SLC25A48: variants seen among roughly 807,000 people sequenced by gnomAD.
The protein encoded by SLC25A48 is solute carrier family 25 member 48, also known as CTC-321K16.1.
Under a neutral mutation model 32.2 loss-of-function variants are expected in SLC25A48, and 29 were observed. The observed-to-expected ratio is 0.90, with a 90% CI of 0.67 to 1.23. The LOEUF is 1.23. Ranked by LOEUF, SLC25A48 falls within the 50% of genes most tolerant of loss-of-function variation. The pLI is 0.00. For missense variants in SLC25A48, 399 were observed against 422.7 expected, an observed-to-expected ratio of 0.94 and a Z score of 0.49; for synonymous variants, 164 against 172.3, an observed-to-expected ratio of 0.95 and a Z score of 0.38.
At chr5:135,833,752 C>T (rs1236834360), upstream of SLC25A48, among the ~76,000 whole-genome samples, 1 of 152,208 alleles carries the variant, frequency 6.6e-6, no homozygotes, top group Non-Finnish European at 1.5e-5. Context: ...GTCCCTTCAC[C>T]TCCAAGTCCC....
At chr5:135,611,482 G>C in intron 1 of SLC25A48, among the ~76,000 whole-genome samples, 1 of 87,274 alleles carries the variant, frequency 1.1e-5, no homozygotes, top group Non-Finnish European at 2.1e-5. Flanking sequence ...CGGTGACAGA[G>C]CGAGACTCCA....
intron 3 of SLC25A48, among the ~76,000 whole-genome samples, chr5:135,737,137 A>C (rs1755383092): frequency 1.3e-5 from 2 of 152,224 alleles, no homozygotes. Context: ...TTGTGTGAGC[A>C]ACAAGGCTGT....
intron 3 of SLC25A48, among the ~76,000 whole-genome samples, chr5:135,733,415 G>A (rs1311635219): frequency 3.9e-5 from 6 of 152,294 alleles, no homozygotes; most frequent in South Asian, 2.1e-4. Context: ...ATTGAAGTCC[G>A]GGCCTGGAAC....
chr5:135,855,159 T>C (rs1277215479), intron 4 of SLC25A48, among the ~76,000 whole-genome samples: 9 of 152,138 alleles, frequency 5.9e-5, no homozygotes. Flanking sequence ...ATGACAAGGT[T>C]GAAAATATTG....
chr5:135,793,364 C>A (rs1426135882), intron 3 of SLC25A48, among the ~76,000 whole-genome samples: 1 of 151,802 alleles, frequency 6.6e-6, no homozygotes, highest in East Asian at 1.9e-4. Context: ...TGTGTGTACA[C>A]CCTGGGATAT....
At chr5:135,774,980 G>A (rs921011899) in intron 3 of SLC25A48, among the ~76,000 whole-genome samples, 1 of 151,726 alleles carries the variant, frequency 6.6e-6, no homozygotes, top group African/African-American at 2.4e-5. Flanking sequence ...CACCCCGCTT[G>A]TGATATTGTT....
At chr5:135,731,059 A>G (rs1301703371) in intron 3 of SLC25A48, among the ~76,000 whole-genome samples, 2 of 152,188 alleles carry the variant, frequency 1.3e-5, no homozygotes, top group African/African-American at 2.4e-5. Flanking sequence ...AAGGCTGTTT[A>G]TTTCACCTGG....
chr5:135,873,864 C>T (rs531754229), intron 5 of SLC25A48, among the ~76,000 whole-genome samples, 157 bp from the exon 6 acceptor site: 22 of 152,262 alleles, frequency 1.4e-4, no homozygotes, highest in South Asian at 4.1e-4. Context: ...CAGCAAGTGG[C>T]GAGGGAGAAT....
chr5:135,614,801 C>T (rs753700411), intron 1 of SLC25A48, among the ~76,000 whole-genome samples: 1 of 152,036 alleles, frequency 6.6e-6, no homozygotes, highest in Non-Finnish European at 1.5e-5. Flanking sequence ...AATTGTAATC[C>T]TTAGTGTTGT....
At chr5:135,766,677 G>A (rs1756240622) in intron 3 of SLC25A48, among the ~76,000 whole-genome samples, 1 of 150,680 alleles carries the variant, frequency 6.6e-6, no homozygotes, top group Non-Finnish European at 1.5e-5. Flanking sequence ...CCCATATCAC[G>A]AGTGATGTGA....
intron 3 of SLC25A48, among the ~76,000 whole-genome samples, chr5:135,642,420 C>T (rs1487719194): frequency 6.6e-6 from 1 of 152,236 alleles, no homozygotes; most frequent in Non-Finnish European, 1.5e-5. Context: ...CTGTCAGGGA[C>T]AGCCCCTGCC....
chr5:135,729,040 C>T (rs4976328), intron 3 of SLC25A48, among the ~76,000 whole-genome samples: 44,780 of 151,826 alleles, frequency 0.29, 6,733 homozygotes, highest in East Asian at 0.49. Context: ...AGATGCGAAA[C>T]GGGTCCTGTG....
chr5:135,792,833 G>A (rs1221479722), intron 3 of SLC25A48, among the ~76,000 whole-genome samples: 1 of 151,508 alleles, frequency 6.6e-6, no homozygotes, highest in Non-Finnish European at 1.5e-5. Context: ...TACAGTCAGT[G>A]TACACCCAAA....
At chr5:135,842,322 T>C in intron 1 of SLC25A48, 94 bp from the exon 2 acceptor site, 1 of 1,338,826 alleles carries the variant, frequency 7.5e-7, no homozygotes, top group Non-Finnish European at 1.1e-6. Flanking sequence ...AATTGACCGT[T>C]GACTAAACAA....
chr5:135,597,061 T>C (rs73789275), intron 1 of SLC25A48, among the ~76,000 whole-genome samples: 12,521 of 152,272 alleles, frequency 0.082, 526 homozygotes, highest in South Asian at 0.15. Context: ...GTGCCTAGCA[T>C]ATCAGACAGG....
intron 4 of SLC25A48, among the ~76,000 whole-genome samples, chr5:135,828,385 G>A (rs1045708787): frequency 2.6e-5 from 4 of 152,222 alleles, no homozygotes; most frequent in African/African-American, 9.6e-5. Flanking sequence ...CTCACTGAGT[G>A]TGTTAAGTGC....
intron 3 of SLC25A48, among the ~76,000 whole-genome samples, chr5:135,716,914 A>G (rs1301034202): frequency 6.6e-6 from 1 of 152,044 alleles, no homozygotes; most frequent in Non-Finnish European, 1.5e-5. Flanking sequence ...TGTTTCCCCT[A>G]ATCACTCCTT....
At chr5:135,739,727 A>G (rs1755458022) in intron 3 of SLC25A48, among the ~76,000 whole-genome samples, 1 of 152,070 alleles carries the variant, frequency 6.6e-6, no homozygotes, top group Admixed American at 6.5e-5. Flanking sequence ...TAGTGATATC[A>G]CTGTCATGAG....
intron 3 of SLC25A48, among the ~76,000 whole-genome samples, chr5:135,744,793 C>T (rs906406977): frequency 2.6e-5 from 4 of 151,906 alleles, no homozygotes; most frequent in African/African-American, 9.7e-5. Context: ...CCTGTAATCC[C>T]AGCTTTGGGA....
Sources: gnomAD v4.1 joint callset for allele counts (sites outside exome capture counted in the v4.1 genomes callset) on GRCh38, gnomAD v4.1.1 for gene constraint, MANE v1.5 for transcripts, NCBI Gene and HGNC (gene_info 2026-07-23, HGNC 2026-07-21) for gene names.